The following CSMD3 variants were observed in gnomAD, a reference collection of about 807,000 sequenced individuals.
CSMD3 encodes the protein CUB and sushi domain-containing protein 3.
In CSMD3, 177 loss-of-function variants were observed where a neutral mutation model predicts 435.2. The ratio of observed to expected loss-of-function variants is 0.41; its 90% CI spans 0.36 to 0.46. CSMD3 has a LOEUF of 0.46. Among genes scored for constraint, CSMD3 ranks in the 20% least tolerant of loss-of-function variants. CSMD3 has a pLI of 0.34. For missense variants in CSMD3, 4,265 were observed against 4,504.6 expected, an observed-to-expected ratio of 0.95 and a Z score of 1.52; for synonymous variants, 1,656 against 1,520.5, an observed-to-expected ratio of 1.09 and a Z score of -2.07.
At chr8:112,365,726 G>T (rs1602704) in intron 38 of CSMD3, among the ~76,000 whole-genome samples, 65,002 of 151,824 alleles carry the variant, frequency 0.43, 14,535 homozygotes, top group Middle Eastern at 0.54. Flanking sequence ...AAACAATCAG[G>T]AGTTTACAAA....
At chr8:112,308,306 T>A (rs960520857) in intron 50 of CSMD3, among the ~76,000 whole-genome samples, 6 of 152,228 alleles carry the variant, frequency 3.9e-5, no homozygotes, top group African/African-American at 1.4e-4. Context: ...TTTTAAAAAT[T>A]AACTATTCAT....
intron 38 of CSMD3, among the ~76,000 whole-genome samples, chr8:112,371,506 T>C (rs902247925): frequency 6.6e-6 from 1 of 152,060 alleles, no homozygotes; most frequent in African/African-American, 2.4e-5. Context: ...CTCCCCCATC[T>C]CCTTGCTAAC....
chr8:112,356,850 C>A (rs1024606568), intron 38 of CSMD3, among the ~76,000 whole-genome samples: 1 of 152,114 alleles, frequency 6.6e-6, no homozygotes, highest in African/African-American at 2.4e-5. Flanking sequence ...GAGGCTTCAC[C>A]AGCCCTGTGG....
At chr8:112,360,004 T>G (rs1035774086) in intron 38 of CSMD3, among the ~76,000 whole-genome samples, 1 of 152,110 alleles carries the variant, frequency 6.6e-6, no homozygotes, top group African/African-American at 2.4e-5. Flanking sequence ...TACCCGTTGA[T>G]AAGCCTCACA....
chr8:113,387,866 C>A (rs1319701865), intron 1 of CSMD3, among the ~76,000 whole-genome samples: 1 of 151,688 alleles, frequency 6.6e-6, no homozygotes, highest in Non-Finnish European at 1.5e-5. Context: ...CTGTCATTTT[C>A]TCATGTTATC....
chr8:113,080,548 G>A (rs1446379776), intron 5 of CSMD3, among the ~76,000 whole-genome samples: 1 of 152,100 alleles, frequency 6.6e-6, no homozygotes, highest in Non-Finnish European at 1.5e-5. Flanking sequence ...AATATGATGA[G>A]TACAATAATA....
intron 22 of CSMD3, among the ~76,000 whole-genome samples, chr8:112,619,042 T>C (rs561441750): frequency 2.3e-3 from 356 of 152,228 alleles, no homozygotes; most frequent in African/African-American, 8.2e-3. Context: ...TTGAATAGTG[T>C]CTACCTAGGA....
At chr8:113,154,689 A>G (rs192924168) in intron 4 of CSMD3, among the ~76,000 whole-genome samples, 1 of 152,190 alleles carries the variant, frequency 6.6e-6, no homozygotes, top group Non-Finnish European at 1.5e-5. Flanking sequence ...GAGAGTGGAT[A>G]AAAGAATGGA....
chr8:112,324,407 T>A (rs1266242075), intron 45 of CSMD3, among the ~76,000 whole-genome samples: 1 of 152,128 alleles, frequency 6.6e-6, no homozygotes, highest in African/African-American at 2.4e-5. Flanking sequence ...TAGTTGTTTA[T>A]TAAATAAGTT....
intron 3 of CSMD3, among the ~76,000 whole-genome samples, chr8:113,245,182 T>C (rs545976429): frequency 2.6e-5 from 4 of 152,188 alleles, no homozygotes; most frequent in Middle Eastern, 3.4e-3. Context: ...TGGTATAGAG[T>C]TGGGTCATTT....
At position 112,337,699 on chromosome 8, in the gene CSMD3, G is replaced by A. The variant is rs750543493; in HGVS notation, c.6685C>T (p.Pro2229Ser). The change falls in exon 43 of 71, where the codon CCG becomes TCG. Residue 2229 changes from proline to serine, a missense_variant. Pro to Ser is a moderately conservative substitution (Grantham distance 74). Around this residue, in one of 3 missense-constraint regions of CSMD3, gnomAD observed 3,255 missense variants for 3,380.2 expected, o/e 0.96. Transcript: ENST00000297405. ...CCAATTACAAAACCATTTCGAAACG[G>A]GCGTGGATCAGGACAGCTTTGCAAC... ...YQLQSCPDPR[P>S]FRNGFVIGND... 1 of 1,613,686 alleles carries A rather than the reference G, an allele frequency of 6.2e-7. No homozygotes were observed. Among genetic ancestry groups the A allele is most frequent in the Admixed American group, 1.7e-5 (1 of 59,984 alleles).
At chr8:112,348,755 T>A (rs534711379) in intron 40 of CSMD3, among the ~76,000 whole-genome samples, 1 of 152,110 alleles carries the variant, frequency 6.6e-6, no homozygotes. Flanking sequence ...AATTATATAA[T>A]AAAACAATTT....
chr8:112,800,043 T>C (rs1020200658), intron 13 of CSMD3, 119 bp downstream of exon 13: 17 of 701,494 alleles, frequency 2.4e-5, no homozygotes, highest in Non-Finnish European at 4.4e-5. Context: ...ATGATCTTTG[T>C]TGAAATGTAG....
intron 5 of CSMD3, among the ~76,000 whole-genome samples, chr8:113,037,336 A>G (rs2087397603): frequency 6.6e-6 from 1 of 152,112 alleles, no homozygotes; most frequent in Non-Finnish European, 1.5e-5. Context: ...CAATTTCATT[A>G]CTTTAATTTA....
rs1313329856 is a variant in CSMD3, at chr8:113,360,943, T to TA, written c.179-46151_179-46150insT. Among the ~76,000 whole-genome samples, 4 of 152,290 alleles carry TA rather than the reference T, an allele frequency of 2.6e-5. No homozygotes were observed. The South Asian group carries it at 6.2e-4, about 24-fold the overall frequency. ...TAATGGATTCAAAGAAATGGAAACATTTATAAGTATTCAAATATCATTTCA... is the reference window on the plus strand; with the variant it reads ...TAATGGATTCAAAGAAATGGAAACATATTATAAGTATTCAAATATCATTTCA... On this transcript the variant is annotated intron_variant, in intron 1 of 70. Coordinates refer to ENST00000297405, the MANE Select transcript of CSMD3 (RefSeq NM_198123.2).
intron 24 of CSMD3, among the ~76,000 whole-genome samples, chr8:112,561,716 T>G (rs2131251463): frequency 6.6e-6 from 1 of 151,844 alleles, no homozygotes; most frequent in Non-Finnish European, 1.5e-5. Context: ...AGTTTATTAT[T>G]CTTGCACATA....
rs190184079 is a variant in CSMD3 at position 112,704,815 on chromosome 8, A to G, written c.1973-14765T>C. ...TATTAGTAGTAATATATTTCCTGAAACCTCATAACACTTTGAAACGCTCCA... is the reference window on the plus strand; with the variant it reads ...TATTAGTAGTAATATATTTCCTGAAGCCTCATAACACTTTGAAACGCTCCA... On this transcript the variant is annotated intron_variant, in intron 13 of 70. Coordinates refer to ENST00000297405, the MANE Select transcript of CSMD3 (RefSeq NM_198123.2). Among the ~76,000 whole-genome samples, 3 of 152,228 alleles carry G rather than the reference A, an allele frequency of 2.0e-5. No homozygotes were observed. In the East Asian group the frequency reaches 5.8e-4, roughly 29 times the overall value.
At chr8:112,440,712 C>T (rs745650309) in intron 32 of CSMD3, among the ~76,000 whole-genome samples, 48 of 152,202 alleles carry the variant, frequency 3.2e-4, no homozygotes, top group African/African-American at 9.6e-4. Flanking sequence ...ACAGGTCCAA[C>T]GCCATGTGGA....
At chr8:112,395,243 T>C (rs1329861665) in intron 35 of CSMD3, among the ~76,000 whole-genome samples, 1 of 152,170 alleles carries the variant, frequency 6.6e-6, no homozygotes, top group Non-Finnish European at 1.5e-5. Flanking sequence ...CAATTCTGCC[T>C]TTTTATCTAA....
Sources: gnomAD v4.1 joint callset for allele counts (sites outside exome capture counted in the v4.1 genomes callset) on GRCh38, gnomAD v4.1.1 for gene constraint, gnomAD v4.1.1 regional missense constraint, MANE v1.5 for transcripts, NCBI Gene and HGNC (gene_info 2026-07-23, HGNC 2026-07-21) for gene names.